Variants in DIP2C observed in about 807,000 individuals in gnomAD.
The protein encoded by DIP2C is disco-interacting protein 2 homolog C.
DIP2C carries 33 observed loss-of-function variants against 192.4 expected under a neutral mutation model. The ratio of observed to expected loss-of-function variants is 0.17; its 90% CI spans 0.13 to 0.23. DIP2C has a LOEUF of 0.23. Among genes scored for constraint, DIP2C ranks in the 10% least tolerant of loss-of-function variants. The pLI, the probability that DIP2C is intolerant of heterozygous loss-of-function variation, is 1.00. For synonymous variants in DIP2C, 979 were observed against 864.1 expected (o/e 1.13, Z -2.33); for missense variants, 1,537 against 2,110.1 (o/e 0.73, Z 5.32).
intron 1 of DIP2C, among the ~76,000 whole-genome samples, chr10:657,218 T>C (rs958192095): frequency 1.6e-5 from 2 of 124,952 alleles, no homozygotes; most frequent in East Asian, 2.5e-4. Context: ...GACTTGACCC[T>C]GGACCTGCCC....
At chr10:358,181 A>T (rs987770850) in intron 22 of DIP2C, among the ~76,000 whole-genome samples, 1 of 152,152 alleles carries the variant, frequency 6.6e-6, no homozygotes, top group Non-Finnish European at 1.5e-5. Flanking sequence ...AGGCCCTCCA[A>T]GCCCACGCCT....
intron 1 of DIP2C, chr10:662,138 G>A (rs1490367727): frequency 7.0e-6 from 5 of 717,036 alleles, no homozygotes; most frequent in Non-Finnish European, 1.3e-5. Context: ...TCCACATTCT[G>A]ACCCCAATCT....
chr10:595,719 G>T (rs1025277996), intron 1 of DIP2C, among the ~76,000 whole-genome samples: 3 of 152,208 alleles, frequency 2.0e-5, no homozygotes, highest in African/African-American at 7.2e-5. Context: ...CTGTGGAGCT[G>T]CATGTAGGAA....
intron 29 of DIP2C, among the ~76,000 whole-genome samples, chr10:333,621 G>A (rs896858591): frequency 1.3e-5 from 2 of 152,226 alleles, no homozygotes; most frequent in African/African-American, 4.8e-5. Flanking sequence ...CTGAGTGGAT[G>A]TTCGCTTTCC....
chr10:319,635 TAA>T (rs1163985770), intron 31 of DIP2C, among the ~76,000 whole-genome samples: 1 of 152,214 alleles, frequency 6.6e-6, no homozygotes, highest in Non-Finnish European at 1.5e-5. Flanking sequence ...CTAATAATAC[TAA>T]GAGAAATTTA....
chr10:670,386 GT>G (rs1336755913), intron 1 of DIP2C, among the ~76,000 whole-genome samples: 3 of 152,062 alleles, frequency 2.0e-5, no homozygotes, highest in African/African-American at 7.3e-5. Flanking sequence ...ACATGCATGT[GT>G]ACACGCATAC....
chr10:430,068 G>A (rs574978993), intron 4 of DIP2C, among the ~76,000 whole-genome samples: 6 of 152,316 alleles, frequency 3.9e-5, no homozygotes, highest in Admixed American at 3.9e-4. Flanking sequence ...TAGCATTCTG[G>A]ATTCTGGGCA....
At chr10:465,749 C>CA (rs1313722626) in intron 3 of DIP2C, among the ~76,000 whole-genome samples, 1 of 151,652 alleles carries the variant, frequency 6.6e-6, no homozygotes, top group African/African-American at 2.4e-5. Context: ...CAACAGCAGA[C>CA]AAACAGAGAG....
At chr10:616,135 A>G (rs1431450399) in intron 1 of DIP2C, among the ~76,000 whole-genome samples, 2 of 152,196 alleles carry the variant, frequency 1.3e-5, no homozygotes, top group African/African-American at 4.8e-5. Context: ...CACACTTGAG[A>G]AACAAAAGCA....
intron 9 of DIP2C, among the ~76,000 whole-genome samples, chr10:407,995 C>CA (rs1462637861): frequency 6.6e-6 from 1 of 152,086 alleles, no homozygotes; most frequent in Non-Finnish European, 1.5e-5. Context: ...AAACTGTTGC[C>CA]AAATCCAGGG....
At chr10:569,110 G>A (rs986991822) in intron 1 of DIP2C, among the ~76,000 whole-genome samples, 11 of 152,110 alleles carry the variant, frequency 7.2e-5, no homozygotes, top group Non-Finnish European at 1.3e-4. Flanking sequence ...CACAATCCCC[G>A]AGCCTTGGCC....
At chr10:401,445 C>A (rs188285040) in intron 9 of DIP2C, among the ~76,000 whole-genome samples, 1 of 150,928 alleles carries the variant, frequency 6.6e-6, no homozygotes, top group African/African-American at 2.5e-5. Flanking sequence ...GTAGCATTAG[C>A]GTTACTATTC....
chr10:566,785 GC>G (rs1849490703), intron 1 of DIP2C, among the ~76,000 whole-genome samples: 1 of 152,208 alleles, frequency 6.6e-6, no homozygotes, highest in Non-Finnish European at 1.5e-5. Context: ...CGGACAGACA[GC>G]CTGGCTCACA....
intron 1 of DIP2C, among the ~76,000 whole-genome samples, chr10:508,751 C>A (rs1176390758): frequency 2.6e-5 from 4 of 152,128 alleles, no homozygotes; most frequent in Non-Finnish European, 5.9e-5. Context: ...CCAGAAGAAG[C>A]CACTTAAAGG....
At chr10:473,238 A>C (rs1478506098) in intron 2 of DIP2C, among the ~76,000 whole-genome samples, 6 of 152,258 alleles carry the variant, frequency 3.9e-5, no homozygotes, top group Non-Finnish European at 1.5e-5. Flanking sequence ...ACATTCAGGC[A>C]ATAACAGGGT....
chr10:602,911 G>A (rs117941820), intron 1 of DIP2C, among the ~76,000 whole-genome samples: 32 of 152,210 alleles, frequency 2.1e-4, no homozygotes, highest in African/African-American at 6.3e-4. Context: ...TCAGTCTCCC[G>A]CCTCTCAACA....
At chr10:402,022 TATGGA>T (rs1964493998) in intron 9 of DIP2C, among the ~76,000 whole-genome samples, 1 of 124,218 alleles carries the variant, frequency 8.1e-6, no homozygotes, top group African/African-American at 3.1e-5. Flanking sequence ...TACTCTTCCT[TATGGA>T]CAAGTTTGGT....
intron 23 of DIP2C, among the ~76,000 whole-genome samples, 183 bp from the exon 24 acceptor site, chr10:356,689 C>T (rs1959098968): frequency 6.6e-6 from 1 of 152,234 alleles, no homozygotes; most frequent in African/African-American, 2.4e-5. Context: ...CACACGACCA[C>T]AGGACAAGCA....
chr10:340,667 T>C, intron 29 of DIP2C: 1 of 427,710 alleles, frequency 2.3e-6, no homozygotes. Flanking sequence ...GTTTTTCTGG[T>C]CATTCATTCA....
Sources: allele counts gnomAD v4.1 joint callset (sites outside exome capture counted in the v4.1 genomes callset), GRCh38; gene constraint gnomAD v4.1.1; transcripts MANE v1.5; gene names NCBI Gene and HGNC (gene_info 2026-07-23, HGNC 2026-07-21).